ZNF529: variants seen among roughly 807,000 people sequenced by gnomAD.
ZNF529 encodes zinc finger protein 529.
ZNF529 carries 11 observed loss-of-function variants against 10.1 expected under a neutral mutation model. That is an observed-to-expected ratio of 1.09 (90% CI 0.69 to 1.81). The LOEUF is 1.81. Among genes scored for constraint, ZNF529 ranks in the 40% most tolerant of loss-of-function variants. The probability of loss-of-function intolerance (pLI) is 0.00; values close to 1 mark genes in which losing one functional copy is unlikely to be tolerated. For synonymous variants in ZNF529, 204 were observed against 215.7 expected, an observed-to-expected ratio of 0.95 and a Z score of 0.47; for missense variants, 624 against 666.8, an observed-to-expected ratio of 0.94 and a Z score of 0.71.
chr19:36,552,037 G>A (rs1308649415), intron 4 of ZNF529: 1 of 152,088 alleles, frequency 6.6e-6, no homozygotes, highest in Non-Finnish European at 1.5e-5. Flanking sequence ...ACATACATAA[G>A]TCTAAATACA....
rs757252974 is a variant in ZNF529, at chr19:36,548,398, TA to T, written c.236-77del. The T allele has an allele frequency of 7.7e-4, 1,029 of 1,342,286 alleles. 3 individuals are homozygous for T. Among genetic ancestry groups the T allele is most frequent in the Non-Finnish European group, 9.0e-4 (902 of 1,004,688 alleles). The allele number at this position is 1,342,286 out of a possible 1,614,324, so 83.1% of individuals were successfully genotyped here. A position where few individuals can be genotyped will look rare whatever the true frequency, so the allele number is the denominator to read the frequency against. On this transcript the variant is annotated intron_variant, in intron 4 of 4. Transcript: ENST00000591340. The stretch of plus-strand genomic sequence containing the variant: ...ATAGAAAGAAGAGACAATTTAAGAA[TA>T]ATTCACCATATACATGAATTGGTTA...
upstream of ZNF529, chr19:36,577,365 A>T: frequency 3.2e-6 from 1 of 311,306 alleles, no homozygotes; most frequent in South Asian, 2.4e-5. Flanking sequence ...CTTCTGGGTC[A>T]TGTTGCACCA....
At chr19:36,587,932 G>A (rs2036617226) in intron 2 of ZNF529, among the ~76,000 whole-genome samples, 1 of 152,168 alleles carries the variant, frequency 6.6e-6, no homozygotes, top group African/African-American at 2.4e-5. Context: ...GGTGATGCTT[G>A]AGCCCAGGAG....
At chr19:36,550,074 G>A (rs1406662131) in intron 4 of ZNF529, among the ~76,000 whole-genome samples, 2 of 152,106 alleles carry the variant, frequency 1.3e-5, no homozygotes, top group South Asian at 4.1e-4. Flanking sequence ...AATGCCTGAG[G>A]AAAACTCAGA....
At chr19:36,587,936 C>T (rs1035208422) in intron 2 of ZNF529, among the ~76,000 whole-genome samples, 1 of 152,020 alleles carries the variant, frequency 6.6e-6, no homozygotes, top group Non-Finnish European at 1.5e-5. Flanking sequence ...ATGCTTGAGC[C>T]CAGGAGTTTG....
At chr19:36,603,099 C>CA (rs1231102978) in intron 1 of ZNF529, among the ~76,000 whole-genome samples, 1 of 152,046 alleles carries the variant, frequency 6.6e-6, no homozygotes, top group Non-Finnish European at 1.5e-5. Flanking sequence ...TCCTCTAAAA[C>CA]AAAAAAAGTT....
chr19:36,602,167 G>A (rs11878498), intron 1 of ZNF529, among the ~76,000 whole-genome samples: 13,446 of 151,578 alleles, frequency 0.089, 638 homozygotes, highest in African/African-American at 0.13. Flanking sequence ...CCTGCCTCAG[G>A]CTCCCGAGTA....
Position 36,556,196 on chromosome 19 carries a change from A to G in ZNF529, c.16T>C (p.Phe6Leu), listed in dbSNP as rs557725841. 1 of 1,084,916 alleles carries G rather than the reference A, an allele frequency of 9.2e-7. No individual in the cohort carries two copies. The highest frequency in any genetic ancestry group is 2.6e-5 in the East Asian group (1 of 38,874). 67.2% of individuals were successfully genotyped at this position (1,084,916 alleles called of 1,614,324 possible). A position where few individuals can be genotyped will look rare whatever the true frequency, so the allele number is the denominator to read the frequency against. MANSS[F>L]IGDHVHGAPH... ...GCTCCATGGACATGATCCCCAATGA[A>G]ACTGTAAAAATTATTTTTTAAGAAA... is the stretch of plus-strand genomic sequence containing the variant. Residue 6 changes from phenylalanine to leucine, a missense_variant and splice_region_variant, in exon 3 of 5, where the codon TTC becomes CTC. Physicochemically the swap from Phe to Leu is conservative, Grantham distance 22. Coordinates refer to ENST00000591340, the MANE Select transcript of ZNF529 (RefSeq NM_020951.5).
chr19:36,549,389 G>A (rs745705870), intron 4 of ZNF529, among the ~76,000 whole-genome samples: 13 of 151,212 alleles, frequency 8.6e-5, no homozygotes, highest in Non-Finnish European at 1.5e-4. Context: ...ATTAATTAGA[G>A]GAAAAGTAAA....
In ZNF529 at chr19:36,543,964, A is replaced by G. The variant is rs1017021460; in HGVS notation, c.*2902T>C. ...CTCTTTACCTGTCCCTAACATACAT[A>G]TATTAGTTGCCATTAAATTGAATTC... On this transcript the variant is annotated 3_prime_UTR_variant, in exon 5 of 5. Transcript: ENST00000591340. The G allele has an allele frequency of 7.1e-5, 10 of 140,998 alleles. 1 individual carries two copies. In the South Asian group the frequency reaches 2.3e-3, roughly 32 times the overall value. 8.7% of individuals were successfully genotyped at this position (140,998 alleles called of 1,614,324 possible).
At chr19:36,559,575 G>A (rs550001264) in intron 2 of ZNF529, among the ~76,000 whole-genome samples, 7 of 152,300 alleles carry the variant, frequency 4.6e-5, no homozygotes, top group East Asian at 1.9e-4. Context: ...CCGAAGTGCC[G>A]GAATTACAGG....
At chr19:36,582,768 A>G (rs1167092515) in intron 2 of ZNF529, 1 of 151,888 alleles carries the variant, frequency 6.6e-6, no homozygotes, top group Non-Finnish European at 1.5e-5. Context: ...AAAGCAGACC[A>G]TTAAGAAAAT....
upstream of ZNF529, chr19:36,574,769 C>T: frequency 4.3e-6 from 2 of 469,066 alleles, no homozygotes; most frequent in South Asian, 3.1e-5. Context: ...TGCAAATATA[C>T]CACAATTTGT....
intron 1 of ZNF529, among the ~76,000 whole-genome samples, chr19:36,595,529 C>T (rs1052699832): frequency 6.6e-6 from 1 of 152,032 alleles, no homozygotes; most frequent in Non-Finnish European, 1.5e-5. Context: ...GATCCTGTCC[C>T]TACAACAAAA....
intron 2 of ZNF529, among the ~76,000 whole-genome samples, chr19:36,558,660 A>G (rs965017228): frequency 2.6e-5 from 4 of 152,138 alleles, no homozygotes; most frequent in Non-Finnish European, 4.4e-5. Flanking sequence ...AGTCTTAAAT[A>G]TAAGGCCTGA....
chr19:36,602,762 C>G (rs188073572), intron 1 of ZNF529, among the ~76,000 whole-genome samples: 4 of 152,176 alleles, frequency 2.6e-5, no homozygotes, highest in African/African-American at 9.6e-5. Flanking sequence ...GAAACCCCGT[C>G]TCTACTAAAA....
At chr19:36,563,524 G>A (rs1418344958) in intron 2 of ZNF529, among the ~76,000 whole-genome samples, 2 of 151,928 alleles carry the variant, frequency 1.3e-5, no homozygotes, top group South Asian at 2.1e-4. Context: ...ACCAAATCAG[G>A]AACACAATCC....
chr19:36,556,020 G>T, intron 3 of ZNF529, 84 bp downstream of exon 3: 1 of 1,387,266 alleles, frequency 7.2e-7, no homozygotes, highest in Non-Finnish European at 1.0e-6. Context: ...ATGGGGTTGT[G>T]GTACAGGTTC....
intron 2 of ZNF529, among the ~76,000 whole-genome samples, chr19:36,566,042 T>A (rs1037678272): frequency 1.7e-4 from 26 of 152,186 alleles, no homozygotes; most frequent in Admixed American, 1.2e-3. Flanking sequence ...TGCAGTAGTG[T>A]CTGGAATGTT....
Sources: allele counts gnomAD v4.1 joint callset (sites outside exome capture counted in the v4.1 genomes callset), GRCh38; gene constraint gnomAD v4.1.1; transcripts MANE v1.5; gene names NCBI Gene and HGNC (gene_info 2026-07-23, HGNC 2026-07-21).